Variants in FSIP1 observed in about 807,000 individuals in gnomAD.
The protein encoded by FSIP1 is fibrous sheath-interacting protein 1.
In FSIP1, 65 loss-of-function variants were observed where a neutral mutation model predicts 60.9. The ratio of observed to expected loss-of-function variants is 1.07; its 90% CI spans 0.87 to 1.31. The LOEUF is 1.31. Ranked by LOEUF, FSIP1 falls within the 40% of genes most tolerant of loss-of-function variation. The pLI is 0.00. For synonymous variants in FSIP1, 209 were observed against 221.2 expected, an observed-to-expected ratio of 0.94 and a Z score of 0.49; for missense variants, 675 against 665.5, an observed-to-expected ratio of 1.01 and a Z score of -0.16.
intron 10 of FSIP1, among the ~76,000 whole-genome samples, chr15:39,692,840 T>C (rs183854883): frequency 1.5e-4 from 23 of 152,306 alleles, no homozygotes; most frequent in Admixed American, 1.3e-3. Context: ...GTCCCTCTAA[T>C]GGATCTGAAT....
intron 10 of FSIP1, among the ~76,000 whole-genome samples, chr15:39,648,592 G>C (rs1892730211): frequency 6.6e-6 from 1 of 152,200 alleles, no homozygotes; most frequent in Non-Finnish European, 1.5e-5. Flanking sequence ...GAGTAACTCA[G>C]AAGAAGTAAG....
rs3065147 is a variant in FSIP1 at position 39,726,852 on chromosome 15, A to AACACAC, written c.892-111_892-106dup. 1,629 of 621,208 alleles carry AACACAC rather than the reference A, an allele frequency of 2.6e-3. 1 individual carries two copies. Among genetic ancestry groups the AACACAC allele is most frequent in the East Asian group, 0.019 (647 of 34,848 alleles). The allele number at this position is 621,208 out of a possible 1,614,324, so 38.5% of individuals were successfully genotyped here. On this transcript the variant is annotated intron_variant, in intron 8 of 11. Transcript: ENST00000350221. ...GCCCAGGTCTTCACATACACACACA[A>AACACAC]ACACACACACACACACACACAACAC...
chr15:39,685,203 C>A (rs975536341), intron 10 of FSIP1, among the ~76,000 whole-genome samples: 1 of 152,038 alleles, frequency 6.6e-6, no homozygotes, highest in African/African-American at 2.4e-5. Context: ...CTGAAGAGCC[C>A]TCCTGAACTT....
intron 10 of FSIP1, among the ~76,000 whole-genome samples, chr15:39,659,249 T>C (rs2140449503): frequency 6.6e-6 from 1 of 152,102 alleles, no homozygotes; most frequent in Admixed American, 6.5e-5. Context: ...GTGAGTACAG[T>C]AAAAAACACT....
chr15:39,611,693 G>C (rs575393076), intron 11 of FSIP1, among the ~76,000 whole-genome samples: 1 of 152,166 alleles, frequency 6.6e-6, no homozygotes, highest in African/African-American at 2.4e-5. Flanking sequence ...ATGGATTAAA[G>C]TCGCTAGTCA....
At chr15:39,740,573 A>G (rs1896770027) in intron 6 of FSIP1, among the ~76,000 whole-genome samples, 1 of 152,152 alleles carries the variant, frequency 6.6e-6, no homozygotes. Context: ...ACCCTACAAA[A>G]CAGGATGCAT....
intron 10 of FSIP1, among the ~76,000 whole-genome samples, chr15:39,690,156 G>C (rs1404190803): frequency 6.6e-6 from 1 of 152,202 alleles, no homozygotes; most frequent in African/African-American, 2.4e-5. Flanking sequence ...GGGCACGCTG[G>C]GTGGACTGGG....
At chr15:39,746,372 G>A (rs1896994287) in intron 5 of FSIP1, among the ~76,000 whole-genome samples, 2 of 152,220 alleles carry the variant, frequency 1.3e-5, no homozygotes, top group Admixed American at 1.3e-4. Flanking sequence ...ACTGTTTCTT[G>A]AGGCAGTTCA....
At chr15:39,730,330 A>T (rs1329735563) in intron 8 of FSIP1, among the ~76,000 whole-genome samples, 2 of 152,240 alleles carry the variant, frequency 1.3e-5, no homozygotes, top group East Asian at 3.8e-4. Context: ...AAATAAACAC[A>T]CTTGACTTAC....
At chr15:39,694,614 A>G (rs1407298232) in intron 10 of FSIP1, among the ~76,000 whole-genome samples, 1 of 152,086 alleles carries the variant, frequency 6.6e-6, no homozygotes, top group Non-Finnish European at 1.5e-5. Context: ...CAGCCTGGCC[A>G]ACATGGGGAA....
intron 10 of FSIP1, among the ~76,000 whole-genome samples, chr15:39,626,476 C>G (rs1302565846): frequency 6.6e-6 from 1 of 152,106 alleles, no homozygotes; most frequent in South Asian, 2.1e-4. Flanking sequence ...ACAGTCTGCC[C>G]GTAGGTCAGC....
Position 39,636,104 on chromosome 15 carries a change from ATAG to A in FSIP1, c.1189-17862_1189-17860del, listed in dbSNP as rs888590302. ...CTAAGTGCTTGGACTTCTTGCTCTT[ATAG>A]TAGTACGTGACAGAATTTCTAGCAG... On this transcript the variant is annotated intron_variant, in intron 10 of 11. Coordinates refer to ENST00000350221, the MANE Select transcript of FSIP1 (RefSeq NM_152597.5). Among the ~76,000 whole-genome samples the A allele has an allele frequency of 8.5e-5, 13 of 152,162 alleles. 1 individual carries two copies. The highest frequency in any genetic ancestry group is 8.5e-4 in the Admixed American group (13 of 15,284).
chr15:39,667,700 A>AG (rs1566877007), intron 10 of FSIP1, among the ~76,000 whole-genome samples: 2 of 152,306 alleles, frequency 1.3e-5, no homozygotes, highest in East Asian at 1.9e-4. Flanking sequence ...AATCTATTCC[A>AG]GGGATCAGGG....
At chr15:39,622,949 C>A (rs927521984) in intron 10 of FSIP1, among the ~76,000 whole-genome samples, 1 of 151,956 alleles carries the variant, frequency 6.6e-6, no homozygotes, top group Admixed American at 6.5e-5. Flanking sequence ...TTTGTGTGTA[C>A]GTTTTATGCA....
At position 39,726,872 on chromosome 15, in the gene FSIP1, C is replaced by CACACACAA. The variant is rs1018856391; in HGVS notation, c.892-126_892-125insTTGTGTGT. The stretch of plus-strand genomic sequence containing the variant: ...ACACAAACACACACACACACACACA[C>CACACACAA]AACACACACAAACAGAATTAACATT... On this transcript the variant is annotated intron_variant, in intron 8 of 11. Transcript: ENST00000350221. 9.9e-6 allele frequency: 6 copies of CACACACAA among 606,850 alleles called. No individual in the cohort carries two copies. In the Admixed American group the frequency reaches 1.3e-4, roughly 13 times the overall value. 37.6% of individuals were successfully genotyped at this position (606,850 alleles called of 1,614,324 possible).
At chr15:39,718,217 G>C (rs1888542540) in intron 9 of FSIP1, among the ~76,000 whole-genome samples, 1 of 151,448 alleles carries the variant, frequency 6.6e-6, no homozygotes, top group African/African-American at 2.4e-5. Flanking sequence ...TATATACATA[G>C]ATAGATAGAT....
At chr15:39,635,969 T>C (rs998267054) in intron 10 of FSIP1, among the ~76,000 whole-genome samples, 3 of 152,168 alleles carry the variant, frequency 2.0e-5, no homozygotes, top group Non-Finnish European at 4.4e-5. Flanking sequence ...CTCCTCACTG[T>C]ATCTCTTAGG....
At chr15:39,692,936 T>C (rs1268592925) in intron 10 of FSIP1, among the ~76,000 whole-genome samples, 1 of 152,168 alleles carries the variant, frequency 6.6e-6, no homozygotes, top group Non-Finnish European at 1.5e-5. Context: ...CCTGGAAACC[T>C]GGGTACAAGG....
intron 10 of FSIP1, among the ~76,000 whole-genome samples, chr15:39,618,507 T>A (rs1448875304): frequency 1.3e-5 from 2 of 152,016 alleles, no homozygotes; most frequent in Non-Finnish European, 2.9e-5. Flanking sequence ...GGGAAAAAAA[T>A]TGGCATACAA....
Sources: gnomAD v4.1 joint callset for allele counts (sites outside exome capture counted in the v4.1 genomes callset) on GRCh38, gnomAD v4.1.1 for gene constraint, MANE v1.5 for transcripts, NCBI Gene and HGNC (gene_info 2026-07-23, HGNC 2026-07-21) for gene names.